The following FAM91A1 variants were observed in gnomAD, a reference collection of about 807,000 sequenced individuals.
The protein encoded by FAM91A1 is family with sequence similarity 91 member A1, also known as protein FAM91A1.
In FAM91A1, 41 loss-of-function variants were observed where a neutral mutation model predicts 113.5. The observed-to-expected ratio is 0.36, with a 90% CI of 0.28 to 0.47. The LOEUF is 0.47. Ranked by LOEUF, FAM91A1 falls within the 20% of genes least tolerant of loss-of-function variation. The pLI is 1.00. For missense variants in FAM91A1, 696 were observed against 1,001.2 expected, an observed-to-expected ratio of 0.70 and a Z score of 4.11; for synonymous variants, 307 against 347.9, an observed-to-expected ratio of 0.88 and a Z score of 1.31.
Position 123,810,404 on chromosome 8 carries a change from A to G in FAM91A1, c.2331+53A>G, listed in dbSNP as rs370049196. On this transcript the variant is annotated intron_variant, in intron 23 of 23. Coordinates refer to ENST00000334705, the MANE Select transcript of FAM91A1 (RefSeq NM_144963.4). ...TACTTGTACTGAGCTTTAAGTATGC[A>G]CAACACTTCTGTGTTTGTTTTTGAG... 15 of 1,468,324 alleles carry G rather than the reference A, an allele frequency of 1.0e-5. No homozygotes were observed. The African/African-American group carries it at 2.1e-4, about 21-fold the overall frequency. The allele number at this position is 1,468,324 out of a possible 1,614,324, so 91.0% of individuals were successfully genotyped here. A position where few individuals can be genotyped will look rare whatever the true frequency, so the allele number is the denominator to read the frequency against.
intron 1 of FAM91A1, among the ~76,000 whole-genome samples, chr8:123,772,316 T>A (rs1298976869): frequency 6.6e-6 from 1 of 152,202 alleles, no homozygotes; most frequent in Non-Finnish European, 1.5e-5. Context: ...ATTGTGTGCT[T>A]GTTTGAGTAT....
At chr8:123,787,064 C>T (rs1016101636) in intron 12 of FAM91A1, among the ~76,000 whole-genome samples, 197 bp from the exon 13 acceptor site, 1 of 152,086 alleles carries the variant, frequency 6.6e-6, no homozygotes, top group Non-Finnish European at 1.5e-5. Context: ...GTGGACAAGG[C>T]CTAGGGTTAA....
chr8:123,787,496 G>A (rs957668489), intron 13 of FAM91A1, 123 bp downstream of exon 13: 23 of 994,088 alleles, frequency 2.3e-5, no homozygotes, highest in Non-Finnish European at 3.1e-5. Context: ...CTGACTTAGA[G>A]GAGTATAATA....
In FAM91A1 at chr8:123,778,785, A is replaced by C. The variant is rs1377100115; in HGVS notation, c.549+13A>C. On this transcript the variant is annotated intron_variant, in intron 6 of 23. Coordinates refer to ENST00000334705, the MANE Select transcript of FAM91A1 (RefSeq NM_144963.4). The stretch of plus-strand genomic sequence containing the variant: ...AGATGACATCAAGGTAGAAATCTTT[A>C]AAAGTTAAACATAGAATTTTTATTT... 7.0e-7 allele frequency: 1 copy of C among 1,435,508 alleles called. No individual in the cohort carries two copies. The highest frequency in any genetic ancestry group is 2.6e-5 in the East Asian group (1 of 38,868). 88.9% of individuals were successfully genotyped at this position (1,435,508 alleles called of 1,614,324 possible). A position where few individuals can be genotyped will look rare whatever the true frequency, so the allele number is the denominator to read the frequency against.
rs1366870223 is a variant in FAM91A1 at position 123,799,891 on chromosome 8, T to C, written c.1809+6T>C. 4.5e-6 allele frequency: 7 copies of C among 1,555,860 alleles called. No individual in the cohort carries two copies. The highest frequency in any genetic ancestry group is 2.3e-5 in the East Asian group (1 of 43,772). ...ATTCTGCAGTTTTAATTCAGGTACA[T>C]TTATCTTATTTGAAATTTTGTCTTT... On this transcript the variant is annotated splice_donor_region_variant and intron_variant, in intron 18 of 23. Coordinates refer to ENST00000334705, the MANE Select transcript of FAM91A1 (RefSeq NM_144963.4).
At chr8:123,774,295 G>T in intron 2 of FAM91A1, 131 bp downstream of exon 2, 1 of 590,376 alleles carries the variant, frequency 1.7e-6, no homozygotes, top group Non-Finnish European at 2.8e-6. Context: ...ACTCTACACT[G>T]ATCCATTCCA....
intron 10 of FAM91A1, 138 bp from the exon 11 acceptor site, chr8:123,785,491 C>G: frequency 1.5e-6 from 1 of 649,324 alleles, no homozygotes; most frequent in Non-Finnish European, 2.7e-6. Flanking sequence ...AGGAGCAGGT[C>G]TACTGAAAAT....
rs557780719 is a variant in FAM91A1, at chr8:123,808,480, G to A, written c.2137+104G>A. 48 of 789,218 alleles carry A rather than the reference G, an allele frequency of 6.1e-5. No individual in the cohort carries two copies. In the South Asian group the frequency reaches 1.1e-3, roughly 19 times the overall value. 48.9% of individuals were successfully genotyped at this position (789,218 alleles called of 1,614,324 possible). ...ATTTGTCTATTCTTATTATTCATAC[G>A]ACTTTTAAATAAGAGTTTTCTAGGA... On this transcript the variant is annotated intron_variant, in intron 21 of 23. Coordinates refer to ENST00000334705, the MANE Select transcript of FAM91A1 (RefSeq NM_144963.4).
chr8:123,778,863 C>A, intron 6 of FAM91A1, 91 bp downstream of exon 6: 1 of 826,446 alleles, frequency 1.2e-6, no homozygotes, highest in Non-Finnish European at 1.7e-6. Flanking sequence ...TAAAAAGTAA[C>A]ATTGTTTTCC....
intron 10 of FAM91A1, 64 bp from the exon 11 acceptor site, chr8:123,785,565 C>T: frequency 2.7e-6 from 3 of 1,107,580 alleles, no homozygotes; most frequent in Non-Finnish European, 2.7e-6. Flanking sequence ...TATTTTTTCT[C>T]TACAAATATT....
chr8:123,809,102 C>G (rs1815886841), intron 22 of FAM91A1, 86 bp downstream of exon 22: 5 of 1,534,896 alleles, frequency 3.3e-6, no homozygotes, highest in Non-Finnish European at 4.4e-6. Context: ...TTATTCCACA[C>G]ATGAGCACAG....
chr8:123,805,808 T>C (rs1303414480), intron 19 of FAM91A1, among the ~76,000 whole-genome samples: 1 of 152,234 alleles, frequency 6.6e-6, no homozygotes, highest in Non-Finnish European at 1.5e-5. Flanking sequence ...GGTTTCTTTA[T>C]ATTTGAATAT....
At chr8:123,775,986 G>T (rs972384260) in intron 3 of FAM91A1, among the ~76,000 whole-genome samples, 18 of 152,008 alleles carry the variant, frequency 1.2e-4, no homozygotes, top group African/African-American at 4.4e-4. Context: ...GAAAAGAAAA[G>T]AAAATTAATG....
At chr8:123,803,338 C>T (rs895486280) in intron 18 of FAM91A1, among the ~76,000 whole-genome samples, 6 of 151,758 alleles carry the variant, frequency 4.0e-5, no homozygotes, top group Non-Finnish European at 5.9e-5. Context: ...GAGACACGGT[C>T]TCACTCTGTC....
chr8:123,769,801 C>T (rs191320178), intron 1 of FAM91A1, among the ~76,000 whole-genome samples: 350 of 152,302 alleles, frequency 2.3e-3, no homozygotes, highest in Admixed American at 4.1e-3. Flanking sequence ...ACAGATAACG[C>T]ACTGCTGCTC....
At chr8:123,784,600 A>C in intron 9 of FAM91A1, 24 bp downstream of exon 9, 3 of 1,500,058 alleles carry the variant, frequency 2.0e-6, no homozygotes, top group Middle Eastern at 1.7e-4. Flanking sequence ...CGTCTCATGA[A>C]AATATAATCT....
intron 22 of FAM91A1, 67 bp from the exon 23 acceptor site, chr8:123,810,213 ACT>A: frequency 1.4e-6 from 2 of 1,458,350 alleles, no homozygotes; most frequent in Non-Finnish European, 1.9e-6. Flanking sequence ...CTAAAATTAA[ACT>A]CTTATGAGAA....
At chr8:123,804,819 A>G (rs975134188) in intron 18 of FAM91A1, among the ~76,000 whole-genome samples, 1 of 152,310 alleles carries the variant, frequency 6.6e-6, no homozygotes, top group African/African-American at 2.4e-5. Flanking sequence ...TTCCAATTAT[A>G]TGTAATTATT....
At position 123,784,563 on chromosome 8, in the gene FAM91A1, C is replaced by A; in HGVS notation, c.797C>A (p.Thr266Lys). 6.2e-7 allele frequency: 1 copy of A among 1,600,810 alleles called. No homozygotes were observed. Among genetic ancestry groups the A allele is most frequent in the Admixed American group, 1.7e-5 (1 of 58,006 alleles). ...YKIFVSIDEHTNVAELANVLE... is the reference protein window; with the variant it reads ...YKIFVSIDEHKNVAELANVLE... Reference sequence around the variant, plus strand: ...ATATTTGTTTCAATAGATGAGCACACAAATGTTGCAGAGGTAAGTTTGACA... The same window carrying A: ...ATATTTGTTTCAATAGATGAGCACAAAAATGTTGCAGAGGTAAGTTTGACA... The change falls in exon 9 of 24, where the codon ACA becomes AAA. Residue 266 changes from threonine (T) to lysine (K), a missense_variant. Transcript: ENST00000334705.
Sources: gnomAD v4.1 joint callset for allele counts (sites outside exome capture counted in the v4.1 genomes callset) on GRCh38, gnomAD v4.1.1 for gene constraint, MANE v1.5 for transcripts, NCBI Gene and HGNC (gene_info 2026-07-23, HGNC 2026-07-21) for gene names.